Variants in CYGB observed in about 807,000 individuals in gnomAD.
CYGB encodes cytoglobin, also known as histoglobin.
Under a neutral mutation model 20.7 loss-of-function variants are expected in CYGB, and 13 were observed. The ratio of observed to expected loss-of-function variants is 0.63; its 90% CI spans 0.41 to 1.00. The LOEUF (loss-of-function observed/expected upper bound fraction) is 1.00. CYGB is among the 50% of genes least tolerant of loss of function. CYGB has a pLI of 0.00. For synonymous variants in CYGB, 93 were observed against 107.4 expected (o/e 0.87, Z 0.83); for missense variants, 218 against 257.2 (o/e 0.85, Z 1.04).
chr17:76,545,458 T>G (rs2075045464), intron 1 of CYGB: 1 of 440,730 alleles, frequency 2.3e-6, no homozygotes, highest in Admixed American at 2.4e-5. Context: ...GCTCAGGGGC[T>G]TGGGAGAGGG....
At chr17:76,544,539 G>A (rs1361617607) in intron 1 of CYGB, 1 of 456,630 alleles carries the variant, frequency 2.2e-6, no homozygotes, top group Non-Finnish European at 4.4e-6. Flanking sequence ...GAGGCAGGGG[G>A]AAAGTCACAC....
chr17:76,544,610 T>C, intron 1 of CYGB: 1 of 456,776 alleles, frequency 2.2e-6, no homozygotes, highest in Non-Finnish European at 4.4e-6. Context: ...CGTGAGCCCG[T>C]GATCGCCTGT....
Position 76,530,168 on chromosome 17 carries a change from G to A in CYGB, c.539+811C>T, listed in dbSNP as rs1022930175. The A allele has an allele frequency of 3.8e-5, 33 of 876,508 alleles. No homozygotes were observed. Among genetic ancestry groups the A allele is most frequent in the Non-Finnish European group, 4.2e-5 (31 of 730,710 alleles). The allele number at this position is 876,508 out of a possible 1,614,324, so 54.3% of individuals were successfully genotyped here. A position where few individuals can be genotyped will look rare whatever the true frequency, so the allele number is the denominator to read the frequency against. On this transcript the variant is annotated intron_variant, in intron 3 of 3. Transcript: ENST00000293230. This position sits in a 1 kb window ranked among gnomAD's most constrained non-coding sequence, Gnocchi z 6.1. ...TGTCCCGGGCTGCTGGCTGACCTCT[G>A]CTTCCCATTCCCGCCTCCGCTCCTC...
chr17:76,540,263 G>GT, upstream of CYGB: 2 of 610,900 alleles, frequency 3.3e-6, no homozygotes, highest in Admixed American at 2.7e-5. The surrounding 1 kb of genome is among the most constrained non-coding windows in gnomAD (Gnocchi z 5.0). Context: ...GGGGGGGGGG[G>GT]CATGGGGCTG....
At position 76,531,028 on chromosome 17, in the gene CYGB, C is replaced by A; in HGVS notation, c.490G>T (p.Ala164Ser). 6.2e-7 allele frequency: 1 copy of A among 1,613,188 alleles called. No homozygotes were observed. The highest frequency in any genetic ancestry group is 8.5e-7 in the Non-Finnish European group (1 of 1,179,772). Residue 164 changes from alanine to serine, a missense_variant, in exon 3 of 4, where the codon GCT (alanine) becomes TCT (serine). Transcript: ENST00000293230. This position sits in a 1 kb window ranked among gnomAD's most constrained non-coding sequence, Gnocchi z 7.4. ...ACCCAGCCCACTTCCTTGTAGGCAG[C>A]GGTCACGTGGCTGTAGATGAGGCCA... Reference protein sequence around the residue: ...LRGLIYSHVTAAYKEVGWVQQ... With the variant: ...LRGLIYSHVTSAYKEVGWVQQ...
At chr17:76,540,552 C>T (rs867338006), upstream of CYGB, 9 of 1,613,318 alleles carry the variant, frequency 5.6e-6, no homozygotes, top group Non-Finnish European at 7.6e-6. The surrounding 1 kb of genome is among the most constrained non-coding windows in gnomAD (Gnocchi z 5.0). Flanking sequence ...AGCTTGGATG[C>T]GGACCCTCAG....
chr17:76,539,159 C>G (rs559842098), upstream of CYGB, among the ~76,000 whole-genome samples: 1 of 152,264 alleles, frequency 6.6e-6, no homozygotes, highest in East Asian at 1.9e-4. Context: ...GGTTCTCACA[C>G]CACTCCCAGA....
chr17:76,543,763 C>G (rs1238208990), intron 1 of CYGB: 1 of 470,108 alleles, frequency 2.1e-6, no homozygotes, highest in Non-Finnish European at 4.4e-6. Flanking sequence ...GTCGGTTTGC[C>G]ACAGTGGCAC....
At chr17:76,535,831 A>T (rs1291249081) in intron 1 of CYGB, among the ~76,000 whole-genome samples, 1 of 152,126 alleles carries the variant, frequency 6.6e-6, no homozygotes, top group Non-Finnish European at 1.5e-5. Flanking sequence ...GACGGTGAGC[A>T]CTTCCTCCAC....
upstream of CYGB, chr17:76,540,499 CCA>C: frequency 1.9e-6 from 3 of 1,613,672 alleles, no homozygotes; most frequent in Non-Finnish European, 2.5e-6. The surrounding 1 kb of genome is among the most constrained non-coding windows in gnomAD (Gnocchi z 5.0). Context: ...CTCTTGCCTC[CCA>C]CAGAGAGCCC....
intron 1 of CYGB, among the ~76,000 whole-genome samples, chr17:76,537,076 T>C (rs1179200070): frequency 6.6e-6 from 1 of 151,872 alleles, no homozygotes; most frequent in African/African-American, 2.4e-5. Context: ...GCCAGAAAAA[T>C]GTGTGTGTCT....
chr17:76,540,208 G>T (rs1194786605), upstream of CYGB: 2 of 1,413,862 alleles, frequency 1.4e-6, no homozygotes, highest in African/African-American at 3.1e-5. This position sits in a 1 kb window ranked among gnomAD's most constrained non-coding sequence, Gnocchi z 5.0. Context: ...TGCCAACCGA[G>T]TCCAACCGTG....
rs140688012 is a variant in CYGB, at chr17:76,533,958, G to A, written c.144-2267C>T. Among the ~76,000 whole-genome samples, 23 of 152,034 alleles carry A rather than the reference G, an allele frequency of 1.5e-4. No homozygotes were observed. The East Asian group carries it at 3.9e-3, about 26-fold the overall frequency. On this transcript the variant is annotated intron_variant, in intron 1 of 3. Coordinates refer to ENST00000293230, the MANE Select transcript of CYGB (RefSeq NM_134268.5). This position sits in a 1 kb window ranked among gnomAD's most constrained non-coding sequence, Gnocchi z 4.5. ...CAGCAGGAAGATCCGATCGCATCAC[G>A]AGCCCAGGATTGGAGGCTGCCATGA...
chr17:76,531,273 C>A lies in CYGB; in HGVS notation c.376-131G>T, dbSNP rs78826089. On this transcript the variant is annotated intron_variant, in intron 2 of 3. Coordinates refer to ENST00000293230, the MANE Select transcript of CYGB (RefSeq NM_134268.5). The surrounding 1 kb of genome is among the most constrained non-coding windows in gnomAD (Gnocchi z 7.4). ...AACAGTCTGGCAGCTTTGGGAACCC[C>A]GTGCTCTCAGGACAAGGGTTGCCCT... is the stretch of plus-strand genomic sequence containing the variant. 4.0e-3 allele frequency: 4,905 copies of A among 1,235,936 alleles called. 181 individuals carry two copies. In the African/African-American group the frequency reaches 0.064, roughly 16 times the overall value. 76.6% of individuals were successfully genotyped at this position (1,235,936 alleles called of 1,614,324 possible).
At chr17:76,548,309 TACAC>T (rs1227520621) in intron 1 of CYGB, among the ~76,000 whole-genome samples, 6 of 152,158 alleles carry the variant, frequency 3.9e-5, no homozygotes, top group East Asian at 1.9e-4. Context: ...CATACACAAA[TACAC>T]ACAGTATCAT....
In CYGB at chr17:76,531,256, G is replaced by A. The variant is rs1255188446; in HGVS notation, c.376-114C>T. 1.6e-6 allele frequency: 2 copies of A among 1,284,738 alleles called. No homozygotes were observed. 79.6% of individuals were successfully genotyped at this position (1,284,738 alleles called of 1,614,324 possible). A position where few individuals can be genotyped will look rare whatever the true frequency, so the allele number is the denominator to read the frequency against. ...AGGATCATTCCTAACGCAACAGTCTGGCAGCTTTGGGAACCCCGTGCTCTC... is the reference window on the plus strand; with the variant it reads ...AGGATCATTCCTAACGCAACAGTCTAGCAGCTTTGGGAACCCCGTGCTCTC... On this transcript the variant is annotated intron_variant, in intron 2 of 3. Coordinates refer to ENST00000293230, the MANE Select transcript of CYGB (RefSeq NM_134268.5). The surrounding 1 kb of genome is among the most constrained non-coding windows in gnomAD (Gnocchi z 7.4).
chr17:76,544,958 A>T (rs2075037121), intron 1 of CYGB: 1 of 453,356 alleles, frequency 2.2e-6, no homozygotes, highest in African/African-American at 2.0e-5. Context: ...ATCCAGAGGA[A>T]GGGCGGGAAA....
At chr17:76,544,037 C>T (rs1395738485) in intron 1 of CYGB, 2 of 454,832 alleles carry the variant, frequency 4.4e-6, no homozygotes, top group African/African-American at 4.0e-5. Flanking sequence ...CCGGCGGCTG[C>T]CTCCTTTGCC....
chr17:76,550,510 C>G (rs1199546095), intron 1 of CYGB: 1 of 152,220 alleles, frequency 6.6e-6, no homozygotes, highest in African/African-American at 2.4e-5. Context: ...GATCCACCGG[C>G]CTCAGCCTCC....
Sources: allele counts gnomAD v4.1 joint callset (sites outside exome capture counted in the v4.1 genomes callset), GRCh38; gene constraint gnomAD v4.1.1; non-coding constraint Gnocchi (gnomAD v3.1); transcripts MANE v1.5; gene names NCBI Gene and HGNC (gene_info 2026-07-23, HGNC 2026-07-21).